VWF: variants seen among roughly 807,000 people sequenced by gnomAD.
The protein encoded by VWF is Factor VIII related antigen.
Under a neutral mutation model 308.6 loss-of-function variants are expected in VWF, and 176 were observed. The observed-to-expected ratio is 0.57, with a 90% CI of 0.50 to 0.65. The LOEUF is 0.65. Ranked by LOEUF, VWF falls within the 30% of genes least tolerant of loss-of-function variation. VWF has a pLI of 0.00. For missense variants in VWF, 3,146 were observed against 3,648.2 expected (o/e 0.86, Z 3.55); for synonymous variants, 1,385 against 1,443.4 (o/e 0.96, Z 0.92).
Position 5,952,436 on chromosome 12 carries a change from G to A in VWF, c.8070C>T (p.Val2690=), listed in dbSNP as rs764207234. 1 of 1,614,116 alleles carries A rather than the reference G, an allele frequency of 6.2e-7. No individual in the cohort carries two copies. ...GTTCATCAAAGGGTGGGCAGCCTGT[G>A]ACCCTCTTCTCCCAGAAGTACTCTC... ...ERGEYFWEKR[V]TGCPPFDEHK... is the part of the protein sequence containing the mutation. Residue 2690 remains valine (V), a synonymous_variant, in exon 49 of 52, where the codon GTC becomes GTT. Coordinates refer to ENST00000261405, the MANE Select transcript of VWF (RefSeq NM_000552.5).
chr12:6,034,094 G>A (rs753734978), intron 20 of VWF, among the ~76,000 whole-genome samples: 7 of 152,208 alleles, frequency 4.6e-5, no homozygotes, highest in Non-Finnish European at 8.8e-5. Flanking sequence ...CATCTGCTGG[G>A]CAGGATGACT....
At position 6,012,024 on chromosome 12, in the gene VWF, T is replaced by G; in HGVS notation, c.5664+63A>C. The G allele has an allele frequency of 1.0e-5, 16 of 1,589,844 alleles. No homozygotes were observed. The South Asian group carries it at 1.8e-4, about 18-fold the overall frequency. On this transcript the variant is annotated intron_variant, in intron 33 of 51. Transcript: ENST00000261405. ...GACCAAAGGAGGAAAAATTAACCAGTGGGAACAAGAGCCCCAAACACATCT... is the reference window on the plus strand; with the variant it reads ...GACCAAAGGAGGAAAAATTAACCAGGGGGAACAAGAGCCCCAAACACATCT...
chr12:6,123,645 A>G (rs1030636275), intron 1 of VWF, among the ~76,000 whole-genome samples: 3 of 152,098 alleles, frequency 2.0e-5, no homozygotes, highest in Non-Finnish European at 4.4e-5. Flanking sequence ...GGAACCACCA[A>G]CTTGACGGTT....
At chr12:5,985,195 G>T in intron 39 of VWF, 76 bp from the exon 40 acceptor site, 1 of 1,489,524 alleles carries the variant, frequency 6.7e-7, no homozygotes, top group Non-Finnish European at 9.4e-7. Context: ...AAATGTTCTT[G>T]CTCACTGAAA....
At chr12:6,112,278 G>C (rs1387391680) in intron 3 of VWF, among the ~76,000 whole-genome samples, 1 of 152,158 alleles carries the variant, frequency 6.6e-6, no homozygotes, top group African/African-American at 2.4e-5. Flanking sequence ...GCATGAAAGA[G>C]GAAACACAGG....
chr12:6,044,669 C>CT (rs1191268163), intron 17 of VWF, among the ~76,000 whole-genome samples: 1 of 152,174 alleles, frequency 6.6e-6, no homozygotes, highest in Non-Finnish European at 1.5e-5. Flanking sequence ...TTGGTGGCAG[C>CT]TCTTCTGACC....
chr12:6,123,323 G>A (rs1002696016), intron 1 of VWF, 127 bp from the exon 2 acceptor site: 2 of 1,145,398 alleles, frequency 1.7e-6, no homozygotes, highest in African/African-American at 3.1e-5. Flanking sequence ...TGATCCTCGT[G>A]ACCCCCTTTT....
intron 47 of VWF, among the ~76,000 whole-genome samples, chr12:5,955,457 A>T (rs574801414): frequency 6.6e-6 from 1 of 151,904 alleles, no homozygotes; most frequent in South Asian, 2.1e-4. Flanking sequence ...TATGAGTGAG[A>T]ACATGCGGTG....
At chr12:5,956,017 G>T (rs1050033704) in intron 47 of VWF, among the ~76,000 whole-genome samples, 1 of 152,078 alleles carries the variant, frequency 6.6e-6, no homozygotes, top group African/African-American at 2.4e-5. Context: ...AACAGTCATG[G>T]GCCAAAAAAC....
chr12:6,027,702 G>A (rs1944210389), intron 22 of VWF, among the ~76,000 whole-genome samples: 1 of 152,152 alleles, frequency 6.6e-6, no homozygotes, highest in Non-Finnish European at 1.5e-5. Flanking sequence ...ACCTCTCTCA[G>A]AGCCTCTAAG....
At chr12:6,051,739 G>C (rs1337469484) in intron 16 of VWF, among the ~76,000 whole-genome samples, 1 of 152,102 alleles carries the variant, frequency 6.6e-6, no homozygotes, top group Non-Finnish European at 1.5e-5. Flanking sequence ...TATTTCAAGT[G>C]GCTGGGTCTA....
chr12:5,985,643 T>C lies in VWF; in HGVS notation c.6821A>G (p.Asp2274Gly). The C allele has an allele frequency of 6.2e-7, 1 of 1,614,102 alleles. No homozygotes were observed. Residue 2274 changes from aspartate to glycine, a missense_variant, in exon 39 of 52, where the codon GAC becomes GGC. Physicochemically the swap from Asp to Gly is moderately conservative, Grantham distance 94 (BLOSUM62 -1). Transcript: ENST00000261405. ...TGTGCAGATCTGACAGGGCTGGTGG[T>C]CCGGGACCCAGGCTTCCAGGAACTG... is the stretch of plus-strand genomic sequence containing the variant. ...QHQFLEAWVP[D>G]HQPCQICTCL...
intron 15 of VWF, among the ~76,000 whole-genome samples, chr12:6,056,088 G>A (rs763182167): frequency 2.0e-5 from 3 of 149,954 alleles, no homozygotes; most frequent in Non-Finnish European, 4.4e-5. Flanking sequence ...CCAAGTACAC[G>A]TCCTCCAGAA....
intron 6 of VWF, among the ~76,000 whole-genome samples, chr12:6,087,135 G>C (rs74887927): frequency 0.013 from 1,923 of 152,240 alleles, 48 homozygotes; most frequent in African/African-American, 0.044. Flanking sequence ...GTGACTGACA[G>C]GACTGCAATT....
At chr12:5,957,873 A>G (rs1376337436) in intron 47 of VWF, among the ~76,000 whole-genome samples, 1 of 152,236 alleles carries the variant, frequency 6.6e-6, no homozygotes, top group Non-Finnish European at 1.5e-5. Context: ...TAAATTCCAT[A>G]TAAGACAAAT....
At chr12:6,088,416 T>C (rs949192991) in intron 6 of VWF, among the ~76,000 whole-genome samples, 1 of 150,538 alleles carries the variant, frequency 6.6e-6, no homozygotes, top group African/African-American at 2.5e-5. Context: ...GAGGCGGAGC[T>C]TGCAGTGAGC....
intron 42 of VWF, among the ~76,000 whole-genome samples, chr12:5,981,210 C>G (rs1461099885): frequency 6.6e-6 from 1 of 151,962 alleles, no homozygotes; most frequent in Admixed American, 6.6e-5. Flanking sequence ...GATAAACTGA[C>G]AGCAATAAAT....
intron 6 of VWF, among the ~76,000 whole-genome samples, chr12:6,082,527 G>A (rs1356760032): frequency 6.6e-6 from 1 of 152,170 alleles, no homozygotes; most frequent in Non-Finnish European, 1.5e-5. Flanking sequence ...TAGGCCTAAA[G>A]GTTTCTCCCT....
In VWF at chr12:6,075,537, C is replaced by G; in HGVS notation, c.672G>C (p.Gln224His). The G allele has an allele frequency of 8.7e-6, 14 of 1,613,976 alleles. No homozygotes were observed. Among genetic ancestry groups the G allele is most frequent in the Non-Finnish European group, 1.2e-5 (14 of 1,179,902 alleles). Residue 224 changes from glutamine to histidine, a missense_variant, in exon 7 of 52, where the codon CAG (glutamine) becomes CAC (histidine). Transcript: ENST00000261405. The surrounding 1 kb of genome is among the most constrained non-coding windows in gnomAD (Gnocchi z 4.7). ...SGEMQKGLWE[Q>H]CQLLKSTSVF... ...CCGAGGTGCTCTTCAGAAGCTGGCA[C>G]TGCTCCCACAGGCCCTGCAGGAAGA...
Sources: allele counts gnomAD v4.1 joint callset (sites outside exome capture counted in the v4.1 genomes callset), GRCh38; gene constraint gnomAD v4.1.1; non-coding constraint Gnocchi (gnomAD v3.1); transcripts MANE v1.5; gene names NCBI Gene and HGNC (gene_info 2026-07-23, HGNC 2026-07-21).